Variants in BCL2L2 observed in about 807,000 individuals in gnomAD.
BCL2L2 encodes the protein BCL2 like 2.
BCL2L2 carries 6 observed loss-of-function variants against 14.6 expected under a neutral mutation model. The ratio of observed to expected loss-of-function variants is 0.41; its 90% CI spans 0.22 to 0.81. The LOEUF is 0.81. Ranked by LOEUF, BCL2L2 falls within the 30% of genes least tolerant of loss-of-function variation. The probability of loss-of-function intolerance (pLI) is 0.32; values close to 1 mark genes in which losing one functional copy is unlikely to be tolerated. For missense variants in BCL2L2, 191 were observed against 260.5 expected, an observed-to-expected ratio of 0.73 and a Z score of 1.84; for synonymous variants, 90 against 108.5, an observed-to-expected ratio of 0.83 and a Z score of 1.06.
chr14:23,308,019 T>A lies in BCL2L2; in HGVS notation c.252T>A (p.Asp84Glu). ...AACAACGCTTCACCCAGGTCTCCGATGAACTTTTTCAAGGGGGCCCCAACT... is the reference window on the plus strand; with the variant it reads ...AACAACGCTTCACCCAGGTCTCCGAAGAACTTTTTCAAGGGGGCCCCAACT... ...SAQQRFTQVS[D>E]ELFQGGPNWG... Residue 84 changes from aspartate to glutamate, a missense_variant, in exon 3 of 4, where the codon GAT becomes GAA. Coordinates refer to ENST00000250405, the MANE Select transcript of BCL2L2 (RefSeq NM_004050.5). This position sits in a 1 kb window ranked among gnomAD's most constrained non-coding sequence, Gnocchi z 5.4. 6.2e-7 allele frequency: 1 copy of A among 1,614,136 alleles called. No homozygotes were observed. Among genetic ancestry groups the A allele is most frequent in the Non-Finnish European group, 8.5e-7 (1 of 1,180,024 alleles).
At position 23,310,608 on chromosome 14, in the gene BCL2L2, G is replaced by A; in HGVS notation, c.*1643G>A. On this transcript the variant is annotated 3_prime_UTR_variant, in exon 4 of 4. Coordinates refer to ENST00000250405, the MANE Select transcript of BCL2L2 (RefSeq NM_004050.5). ...CTAGGGGAGGTGGTAGGCTGCATGT[G>A]CCACTTGGTCTTGTTGTGAGTATGC... is the stretch of plus-strand genomic sequence containing the variant. 1 of 1,089,520 alleles carries A rather than the reference G, an allele frequency of 9.2e-7. No homozygotes were observed. Among genetic ancestry groups the A allele is most frequent in the Non-Finnish European group, 1.1e-6 (1 of 892,254 alleles). The allele number at this position is 1,089,520 out of a possible 1,614,324, so 67.5% of individuals were successfully genotyped here.
chr14:23,307,743 A>C lies in BCL2L2; in HGVS notation c.-8-17A>C. On this transcript the variant is annotated splice_polypyrimidine_tract_variant and intron_variant, in intron 2 of 3. Transcript: ENST00000250405. The stretch of plus-strand genomic sequence containing the variant: ...CTTCATATATTCATGCCAGTCTTTC[A>C]TCCTTGCCTCTTATAGCCGCCCGGA... The C allele has an allele frequency of 1.3e-5, 19 of 1,517,444 alleles. No individual in the cohort carries two copies. The highest frequency in any genetic ancestry group is 1.6e-5 in the Non-Finnish European group (18 of 1,134,148). The allele number at this position is 1,517,444 out of a possible 1,614,324, so 94.0% of individuals were successfully genotyped here. A position where few individuals can be genotyped will look rare whatever the true frequency, so the allele number is the denominator to read the frequency against.
In BCL2L2 at chr14:23,308,658, G is replaced by A. The variant is rs1887411903; in HGVS notation, c.433-158G>A. On this transcript the variant is annotated intron_variant, in intron 3 of 3. Coordinates refer to ENST00000250405, the MANE Select transcript of BCL2L2 (RefSeq NM_004050.5). This position sits in a 1 kb window ranked among gnomAD's most constrained non-coding sequence, Gnocchi z 5.4. ...GGGTGCACCTGGGGGGATCAGAGGG[G>A]CTTGCAGGGAGAAGAGCTTTGGCCA... Among the ~76,000 whole-genome samples the A allele has an allele frequency of 6.6e-6, 1 of 152,136 alleles. No individual in the cohort carries two copies. Among genetic ancestry groups the A allele is most frequent in the African/African-American group, 2.4e-5 (1 of 41,414 alleles).
At position 23,311,711 on chromosome 14, in the gene BCL2L2, G is replaced by A. The variant is rs563690626; in HGVS notation, c.*2746G>A. On this transcript the variant is annotated 3_prime_UTR_variant, in exon 4 of 4. Coordinates refer to ENST00000250405, the MANE Select transcript of BCL2L2 (RefSeq NM_004050.5). ...TATTTTTGTGTAATATGTAATGATC[G>A]TATTAAAAACAATAAATAAAGCCCA... 6.0e-5 allele frequency: 57 copies of A among 943,880 alleles called. No homozygotes were observed. Among genetic ancestry groups the A allele is most frequent in the Middle Eastern group, 5.5e-4 (1 of 1,834 alleles). The allele number at this position is 943,880 out of a possible 1,614,324, so 58.5% of individuals were successfully genotyped here.
At position 23,309,745 on chromosome 14, in the gene BCL2L2, T is replaced by C. The variant is rs1319169752; in HGVS notation, c.*780T>C. On this transcript the variant is annotated 3_prime_UTR_variant, in exon 4 of 4. Transcript: ENST00000250405. ...CCTTCCTTGTGCATTATGCACTTGC[T>C]GCTGCCTCCTGGGCTCTGATAGAAG... 2.0e-6 allele frequency: 2 copies of C among 985,478 alleles called. No homozygotes were observed. Among genetic ancestry groups the C allele is most frequent in the Non-Finnish European group, 2.4e-6 (2 of 830,020 alleles). The allele number at this position is 985,478 out of a possible 1,614,324, so 61.0% of individuals were successfully genotyped here. A position where few individuals can be genotyped will look rare whatever the true frequency, so the allele number is the denominator to read the frequency against.
Position 23,310,903 on chromosome 14 carries a change from C to G in BCL2L2, c.*1938C>G. 3.1e-6 allele frequency: 4 copies of G among 1,288,626 alleles called. No individual in the cohort carries two copies. The highest frequency in any genetic ancestry group is 4.0e-6 in the Non-Finnish European group (4 of 988,078). The allele number at this position is 1,288,626 out of a possible 1,614,324, so 79.8% of individuals were successfully genotyped here. ...TTTATTTGCATTAAGGGGTTTGCTG[C>G]TGAAAAAAAGTTGGAAAACCACTGA... On this transcript the variant is annotated 3_prime_UTR_variant, in exon 4 of 4. Transcript: ENST00000250405.
At position 23,309,756 on chromosome 14, in the gene BCL2L2, G is replaced by A. The variant is rs147292152; in HGVS notation, c.*791G>A. 5.7e-5 allele frequency: 56 copies of A among 985,558 alleles called. No homozygotes were observed. The African/African-American group carries it at 7.7e-4, about 13-fold the overall frequency. The allele number at this position is 985,558 out of a possible 1,614,324, so 61.1% of individuals were successfully genotyped here. On this transcript the variant is annotated 3_prime_UTR_variant, in exon 4 of 4. Transcript: ENST00000250405. ...CATTATGCACTTGCTGCTGCCTCCT[G>A]GGCTCTGATAGAAGGGCAGGGCTGT...
rs779056615 is a variant in BCL2L2 at position 23,308,190 on chromosome 14, T to C, written c.423T>C (p.Ser141=). Residue 141 remains serine (S), a synonymous_variant, in exon 3 of 4, where the codon AGT becomes AGC. Coordinates refer to ENST00000250405, the MANE Select transcript of BCL2L2 (RefSeq NM_004050.5). The surrounding 1 kb of genome is among the most constrained non-coding windows in gnomAD (Gnocchi z 5.4). ...ETQLADWIHS[S]GGWAEFTALY... The stretch of plus-strand genomic sequence containing the variant: ...AGCTGGCTGACTGGATCCACAGCAG[T>C]GGGGGCTGGGTAAGAAGCTTCTCAA... 7.5e-6 allele frequency: 12 copies of C among 1,610,488 alleles called. No individual in the cohort carries two copies. The highest frequency in any genetic ancestry group is 1.0e-5 in the Non-Finnish European group (12 of 1,178,688).
chr14:23,311,650 T>C lies in BCL2L2; in HGVS notation c.*2685T>C. 1.1e-6 allele frequency: 1 copy of C among 924,446 alleles called. No individual in the cohort carries two copies. The highest frequency in any genetic ancestry group is 1.3e-6 in the Non-Finnish European group (1 of 774,448). The allele number at this position is 924,446 out of a possible 1,614,324, so 57.3% of individuals were successfully genotyped here. On this transcript the variant is annotated 3_prime_UTR_variant, in exon 4 of 4. Coordinates refer to ENST00000250405, the MANE Select transcript of BCL2L2 (RefSeq NM_004050.5). Reference sequence around the variant, plus strand: ...ATAAATCTATATTCCTGTATTTTTATTTAATAATTTATAAATACCAAGTTC... The same window carrying C: ...ATAAATCTATATTCCTGTATTTTTACTTAATAATTTATAAATACCAAGTTC...
In BCL2L2 at chr14:23,308,013, C is replaced by T. The variant is rs1439265269; in HGVS notation, c.246C>T (p.Val82=). ...CAGCCCAACAACGCTTCACCCAGGT[C>T]TCCGATGAACTTTTTCAAGGGGGCC... ...PGSAQQRFTQ[V]SDELFQGGPN... is the part of the protein sequence containing the mutation. Residue 82 remains valine, a synonymous_variant, in exon 3 of 4, where the codon GTC becomes GTT. Coordinates refer to ENST00000250405, the MANE Select transcript of BCL2L2 (RefSeq NM_004050.5). The surrounding 1 kb of genome is among the most constrained non-coding windows in gnomAD (Gnocchi z 5.4). The T allele has an allele frequency of 6.2e-7, 1 of 1,614,166 alleles. No homozygotes were observed. The highest frequency in any genetic ancestry group is 2.2e-5 in the East Asian group (1 of 44,876).
Position 23,309,314 on chromosome 14 carries a change from TC to T in BCL2L2, c.*351del. ...GGTGGACTTACATAAGCAGCTGTAT[TC>T]CATTAGATGAGTGGGATTTAGGGAA... On this transcript the variant is annotated 3_prime_UTR_variant, in exon 4 of 4. Transcript: ENST00000250405. The T allele has an allele frequency of 9.3e-6, 10 of 1,073,478 alleles. No individual in the cohort carries two copies. Among genetic ancestry groups the T allele is most frequent in the Non-Finnish European group, 1.1e-5 (10 of 886,984 alleles). The allele number at this position is 1,073,478 out of a possible 1,614,324, so 66.5% of individuals were successfully genotyped here. A position where few individuals can be genotyped will look rare whatever the true frequency, so the allele number is the denominator to read the frequency against.
Position 23,308,046 on chromosome 14 carries a change from G to A in BCL2L2, c.279G>A (p.Trp93Ter). 1 of 1,614,092 alleles carries A rather than the reference G, an allele frequency of 6.2e-7. No homozygotes were observed. The highest frequency in any genetic ancestry group is 8.5e-7 in the Non-Finnish European group (1 of 1,180,028). Residue 93 changes from tryptophan (W) to a stop codon, truncating the protein, a stop_gained, in exon 3 of 4, where the codon TGG becomes TGA. Transcript: ENST00000250405. LOFTEE classifies it high-confidence loss of function. The surrounding 1 kb of genome is among the most constrained non-coding windows in gnomAD (Gnocchi z 5.4). ...SDELFQGGPN[W>*]GRLVAFFVFG... is the part of the protein sequence containing the mutation. ...AACTTTTTCAAGGGGGCCCCAACTG[G>A]GGCCGCCTTGTAGCCTTCTTTGTCT...
rs1456290658 is a variant in BCL2L2 at position 23,309,055 on chromosome 14, T to C, written c.*90T>C. 1.1e-5 allele frequency: 14 copies of C among 1,292,134 alleles called. No individual in the cohort carries two copies. The highest frequency in any genetic ancestry group is 1.3e-5 in the Non-Finnish European group (13 of 1,012,618). 80.0% of individuals were successfully genotyped at this position (1,292,134 alleles called of 1,614,324 possible). On this transcript the variant is annotated 3_prime_UTR_variant, in exon 4 of 4. Transcript: ENST00000250405. ...ATGCCCTTGGAAGAAGTGGAGTTGG[T>C]GGATGGGTGGGCATGGAACAGGATG...
In BCL2L2 at chr14:23,311,230, AG is replaced by A; in HGVS notation, c.*2268del. 8.1e-7 allele frequency: 1 copy of A among 1,238,050 alleles called. No individual in the cohort carries two copies. The highest frequency in any genetic ancestry group is 1.4e-5 in the South Asian group (1 of 73,482). 76.7% of individuals were successfully genotyped at this position (1,238,050 alleles called of 1,614,324 possible). A position where few individuals can be genotyped will look rare whatever the true frequency, so the allele number is the denominator to read the frequency against. Reference sequence around the variant, plus strand: ...ACCTGTCCTGCCCTTCTTAGCTTGAAGGGAAACCCCAGAGACTCTTCTGTCA... The same window carrying A: ...ACCTGTCCTGCCCTTCTTAGCTTGAAGGAAACCCCAGAGACTCTTCTGTCA... On this transcript the variant is annotated 3_prime_UTR_variant, in exon 4 of 4. Coordinates refer to ENST00000250405, the MANE Select transcript of BCL2L2 (RefSeq NM_004050.5).
At position 23,309,355 on chromosome 14, in the gene BCL2L2, C is replaced by G. The variant is rs992550845; in HGVS notation, c.*390C>G. 10 of 1,014,796 alleles carry G rather than the reference C, an allele frequency of 9.9e-6. No homozygotes were observed. The highest frequency in any genetic ancestry group is 1.2e-5 in the Non-Finnish European group (10 of 849,656). 62.9% of individuals were successfully genotyped at this position (1,014,796 alleles called of 1,614,324 possible). A position where few individuals can be genotyped will look rare whatever the true frequency, so the allele number is the denominator to read the frequency against. ...GATTTAGGGAACGCAGAAGGCACAT[C>G]CCTTTGGAATGGAAGCTTAGGGGTT... On this transcript the variant is annotated 3_prime_UTR_variant, in exon 4 of 4. Coordinates refer to ENST00000250405, the MANE Select transcript of BCL2L2 (RefSeq NM_004050.5).
In BCL2L2 at chr14:23,308,213, C is replaced by T. The variant is rs1396064957; in HGVS notation, c.432+14C>T. ...AGTGGGGGCTGGGTAAGAAGCTTCT[C>T]AATTGCCGCTCTGCACATCCTTCTG... On this transcript the variant is annotated intron_variant, in intron 3 of 3. Transcript: ENST00000250405. The surrounding 1 kb of genome is among the most constrained non-coding windows in gnomAD (Gnocchi z 5.4). 1 of 1,597,306 alleles carries T rather than the reference C, an allele frequency of 6.3e-7. No individual in the cohort carries two copies. The highest frequency in any genetic ancestry group is 1.7e-5 in the Admixed American group (1 of 57,688).
chr14:23,308,106 G>A lies in BCL2L2; in HGVS notation c.339G>A (p.Lys113=), dbSNP rs1255109454. 1 of 1,613,910 alleles carries A rather than the reference G, an allele frequency of 6.2e-7. No individual in the cohort carries two copies. The change falls in exon 3 of 4, where the codon AAG becomes AAA. Residue 113 remains lysine, a synonymous_variant. Coordinates refer to ENST00000250405, the MANE Select transcript of BCL2L2 (RefSeq NM_004050.5). The surrounding 1 kb of genome is among the most constrained non-coding windows in gnomAD (Gnocchi z 5.4). ...GAALCAESVN[K]EMEPLVGQVQ... ...CACTGTGTGCTGAGAGTGTCAACAA[G>A]GAGATGGAACCACTGGTGGGACAAG...
At position 23,310,843 on chromosome 14, in the gene BCL2L2, G is replaced by C. The variant is rs1291165959; in HGVS notation, c.*1878G>C. ...GCCCTCAAACAGAACAGCTCCCCTTGTAGCTGTCTTACATATTGGGGTTCA... is the reference window on the plus strand; with the variant it reads ...GCCCTCAAACAGAACAGCTCCCCTTCTAGCTGTCTTACATATTGGGGTTCA... On this transcript the variant is annotated 3_prime_UTR_variant, in exon 4 of 4. Coordinates refer to ENST00000250405, the MANE Select transcript of BCL2L2 (RefSeq NM_004050.5). The C allele has an allele frequency of 1.6e-6, 2 of 1,238,812 alleles. No individual in the cohort carries two copies. Among genetic ancestry groups the C allele is most frequent in the Non-Finnish European group, 2.1e-6 (2 of 953,034 alleles). 76.7% of individuals were successfully genotyped at this position (1,238,812 alleles called of 1,614,324 possible).
chr14:23,307,689 C>T, intron 2 of BCL2L2, 71 bp from the exon 3 acceptor site: 1 of 1,502,906 alleles, frequency 6.7e-7, no homozygotes, highest in Non-Finnish European at 8.9e-7. Flanking sequence ...CTGGGTTGGT[C>T]AAACCAGAAG....
Sources: allele counts gnomAD v4.1 joint callset (sites outside exome capture counted in the v4.1 genomes callset), GRCh38; gene constraint gnomAD v4.1.1; non-coding constraint Gnocchi (gnomAD v3.1); transcripts MANE v1.5; gene names NCBI Gene and HGNC (gene_info 2026-07-23, HGNC 2026-07-21).